Variants in MMP16 observed in about 807,000 individuals in gnomAD.
MMP16 encodes the protein matrix metallopeptidase 16, also known as matrix metalloproteinase-16.
Under a neutral mutation model 67.8 loss-of-function variants are expected in MMP16, and 12 were observed. The observed-to-expected ratio is 0.18, with a 90% confidence interval of 0.11 to 0.29. The LOEUF (loss-of-function observed/expected upper bound fraction) is 0.29, where lower values mean the gene tolerates loss of function less well. Among genes scored for constraint, MMP16 ranks in the 10% least tolerant of loss-of-function variants. MMP16 has a pLI of 1.00. For missense variants in MMP16, 475 were observed against 765.7 expected (o/e 0.62, Z 4.48); for synonymous variants, 249 against 255.9 (o/e 0.97, Z 0.26).
chr8:88,268,968 A>G (rs1258537331), intron 1 of MMP16, among the ~76,000 whole-genome samples: 1 of 152,182 alleles, frequency 6.6e-6, no homozygotes, highest in Non-Finnish European at 1.5e-5. Context: ...AGTTTCTCAC[A>G]GCACCTTGGG....
chr8:88,305,529 C>G (rs756962507), intron 1 of MMP16, among the ~76,000 whole-genome samples: 2 of 152,056 alleles, frequency 1.3e-5, no homozygotes, highest in Non-Finnish European at 2.9e-5. Context: ...AAAATTGATC[C>G]TACAATCAGA....
Position 88,058,305 on chromosome 8 carries a change from AT to A in MMP16, c.1223-2028del, listed in dbSNP as rs1808356385. On this transcript the variant is annotated intron_variant, in intron 7 of 9. Transcript: ENST00000286614. This position sits in a 1 kb window ranked among gnomAD's most constrained non-coding sequence, Gnocchi z 4.2. ...TAAAATGATTTTTGGAGACAAATGG[AT>A]TATAAAGGGAAGAATGAAAATAAGA... Among the ~76,000 whole-genome samples, 1 of 152,056 alleles carries A rather than the reference AT, an allele frequency of 6.6e-6. No homozygotes were observed. The highest frequency in any genetic ancestry group is 6.6e-5 in the Admixed American group (1 of 15,228).
At chr8:88,199,714 A>G (rs2129787610) in intron 1 of MMP16, among the ~76,000 whole-genome samples, 1 of 152,132 alleles carries the variant, frequency 6.6e-6, no homozygotes, top group Admixed American at 6.5e-5. Context: ...TATATATGTG[A>G]GTATGTATGT....
chr8:88,131,015 C>T (rs1242599762), intron 4 of MMP16, among the ~76,000 whole-genome samples: 2 of 151,582 alleles, frequency 1.3e-5, no homozygotes, highest in African/African-American at 4.8e-5. Context: ...TGCAAAGAAC[C>T]TAATTAATGG....
intron 3 of MMP16, among the ~76,000 whole-genome samples, chr8:88,181,103 C>T (rs1050318075): frequency 4.6e-5 from 7 of 151,966 alleles, no homozygotes; most frequent in Admixed American, 2.6e-4. Context: ...AAGAACTATT[C>T]GTATTTTTCC....
intron 1 of MMP16, among the ~76,000 whole-genome samples, chr8:88,313,194 C>T (rs1811323699): frequency 6.6e-6 from 1 of 152,140 alleles, no homozygotes; most frequent in South Asian, 2.1e-4. Flanking sequence ...TGTTGTTGGA[C>T]ATCTGTGCTG....
chr8:88,137,642 TC>T (rs1471252342), intron 4 of MMP16, among the ~76,000 whole-genome samples: 2 of 152,018 alleles, frequency 1.3e-5, no homozygotes, highest in Admixed American at 1.3e-4. Flanking sequence ...TTAGAAACTT[TC>T]CTGCAATTTT....
At position 88,280,597 on chromosome 8, in the gene MMP16, G is replaced by GT. The variant is rs545236008; in HGVS notation, c.132+46477dup. Among the ~76,000 whole-genome samples, 360 of 152,208 alleles carry GT rather than the reference G, an allele frequency of 2.4e-3. 2 individuals are homozygous for GT. The Middle Eastern group carries it at 0.027, about 12-fold the overall frequency. ...ATTATTTTTATTTTGTTTTTCTTTT[G>GT]TTTTTTAAAAAATATCTGCCCAGGC... On this transcript the variant is annotated intron_variant, in intron 1 of 9. Transcript: ENST00000286614.
chr8:88,051,528 C>T (rs1398128697), intron 8 of MMP16, among the ~76,000 whole-genome samples: 1 of 152,034 alleles, frequency 6.6e-6, no homozygotes, highest in African/African-American at 2.4e-5. Flanking sequence ...TTAATCAATG[C>T]CCCAAAGTCC....
At chr8:88,068,098 A>C (rs1343161282) in intron 7 of MMP16, among the ~76,000 whole-genome samples, 4 of 152,102 alleles carry the variant, frequency 2.6e-5, no homozygotes, top group Non-Finnish European at 5.9e-5. Context: ...TTTATGTGTT[A>C]GCCATTCTAT....
intron 6 of MMP16, among the ~76,000 whole-genome samples, chr8:88,099,706 A>C (rs1451736933): frequency 1.3e-5 from 2 of 151,860 alleles, no homozygotes; most frequent in Non-Finnish European, 2.9e-5. Flanking sequence ...TAAAAAAACA[A>C]AAAACAAAAA....
At chr8:88,100,627 G>GTA (rs1809124830) in intron 6 of MMP16, among the ~76,000 whole-genome samples, 2 of 152,090 alleles carry the variant, frequency 1.3e-5, no homozygotes, top group East Asian at 3.9e-4. Context: ...CCATTACTGG[G>GTA]TATATACCCA....
At chr8:88,156,757 T>G (rs952554198) in intron 4 of MMP16, among the ~76,000 whole-genome samples, 1 of 152,114 alleles carries the variant, frequency 6.6e-6, no homozygotes, top group Non-Finnish European at 1.5e-5. Flanking sequence ...GGGATGAAAT[T>G]TGAAACTTTG....
chr8:88,075,968 C>CACAT (rs1389291048), intron 6 of MMP16, among the ~76,000 whole-genome samples: 1 of 151,392 alleles, frequency 6.6e-6, no homozygotes, highest in Non-Finnish European at 1.5e-5. Context: ...CACACACACA[C>CACAT]ACACACAAAA....
At chr8:88,232,357 G>C (rs888119532) in intron 1 of MMP16, among the ~76,000 whole-genome samples, 1 of 152,048 alleles carries the variant, frequency 6.6e-6, no homozygotes, top group Non-Finnish European at 1.5e-5. Flanking sequence ...AGAAAAAAAA[G>C]CACTATTTAG....
At chr8:88,167,998 C>A (rs373255097) in intron 3 of MMP16, 25 bp from the exon 4 acceptor site, 8 of 1,563,368 alleles carry the variant, frequency 5.1e-6, no homozygotes, top group Non-Finnish European at 7.0e-6. Context: ...ATATAATCAT[C>A]AGTATTGTTA....
rs191954238 is a variant in MMP16, at chr8:88,276,912, A to T, written c.132+50163T>A. ...TATAGTGATTCAGTTGAATGTATAA[A>T]TCACAAATATTCAATAATAATACAC... On this transcript the variant is annotated intron_variant, in intron 1 of 9. Transcript: ENST00000286614. Among the ~76,000 whole-genome samples, 725 of 152,260 alleles carry T rather than the reference A, an allele frequency of 4.8e-3. 3 individuals are homozygous for T. The highest frequency in any genetic ancestry group is 8.6e-3 in the Non-Finnish European group (586 of 67,980).
chr8:88,084,286 C>T (rs555182495), intron 6 of MMP16, among the ~76,000 whole-genome samples: 5 of 151,866 alleles, frequency 3.3e-5, no homozygotes, highest in South Asian at 2.1e-4. Flanking sequence ...TGTACAATCA[C>T]GTAGAAGCAA....
intron 1 of MMP16, among the ~76,000 whole-genome samples, chr8:88,312,155 G>A (rs1396002216): frequency 6.6e-6 from 1 of 152,142 alleles, no homozygotes; most frequent in African/African-American, 2.4e-5. Context: ...ATACAGGCTA[G>A]AGCTGAGAAG....
Sources: allele counts gnomAD v4.1 joint callset (sites outside exome capture counted in the v4.1 genomes callset), GRCh38; gene constraint gnomAD v4.1.1; non-coding constraint Gnocchi (gnomAD v3.1); transcripts MANE v1.5; gene names NCBI Gene and HGNC (gene_info 2026-07-23, HGNC 2026-07-21).